The following SEPTIN8 variants were observed in gnomAD, a reference collection of about 807,000 sequenced individuals.
SEPTIN8 encodes septin-8.
SEPTIN8 carries 22 observed loss-of-function variants against 53.1 expected under a neutral mutation model. The observed-to-expected ratio is 0.41, with a 90% CI of 0.30 to 0.59. SEPTIN8 has a LOEUF of 0.59. Among genes scored for constraint, SEPTIN8 ranks in the 20% least tolerant of loss-of-function variants. The pLI, the probability that SEPTIN8 is intolerant of heterozygous loss-of-function variation, is 0.24. For missense variants in SEPTIN8, 536 were observed against 638.7 expected, an observed-to-expected ratio of 0.84 and a Z score of 1.73; for synonymous variants, 228 against 248.4, an observed-to-expected ratio of 0.92 and a Z score of 0.77.
Position 132,772,086 on chromosome 5 carries a change from TCA to T in SEPTIN8, c.30+5020_30+5021del, listed in dbSNP as rs577538635. Among the ~76,000 whole-genome samples, 669 of 152,296 alleles carry T rather than the reference TCA, an allele frequency of 4.4e-3. 5 individuals carry two copies. The highest frequency in any genetic ancestry group is 0.015 in the African/African-American group (632 of 41,540). ...CAAGGTAACAGGAAGCCAATCATCC[TCA>T]CAAGGCCAGTCCTACTCCACCCATC... On this transcript the variant is annotated intron_variant, in intron 1 of 9. Coordinates refer to ENST00000378719, the MANE Select transcript of SEPTIN8 (RefSeq NM_001098811.2).
chr5:132,769,421 T>G (rs1002869267), intron 1 of SEPTIN8, among the ~76,000 whole-genome samples: 3 of 152,136 alleles, frequency 2.0e-5, no homozygotes, highest in Non-Finnish European at 4.4e-5. Context: ...GATGAGGACA[T>G]CAGATCCTTG....
At chr5:132,756,766 G>A (rs1298340889) in intron 9 of SEPTIN8, 3 of 985,320 alleles carry the variant, frequency 3.0e-6, no homozygotes, top group East Asian at 1.1e-4. Flanking sequence ...CCAGCCACGA[G>A]TATGGCCTTT....
chr5:132,777,484 G>T (rs926206207), upstream of SEPTIN8: 6 of 971,724 alleles, frequency 6.2e-6, no homozygotes, highest in Admixed American at 2.5e-4. The surrounding 1 kb of genome is among the most constrained non-coding windows in gnomAD (Gnocchi z 4.1). Context: ...CGGGGGGCTC[G>T]GGGCTGGTGC....
intron 2 of SEPTIN8, 126 bp downstream of exon 2, chr5:132,765,283 C>T: frequency 1.7e-6 from 2 of 1,160,988 alleles, no homozygotes; most frequent in Admixed American, 2.2e-5. Context: ...AAATCCTCGT[C>T]CTGACACCCC....
chr5:132,755,997 CA>C (rs1755294051), intron 9 of SEPTIN8: 2 of 985,076 alleles, frequency 2.0e-6, no homozygotes, highest in South Asian at 4.7e-5. Flanking sequence ...AAAGACACCA[CA>C]AAAACTCAAA....
chr5:132,769,996 T>C (rs1480598127), intron 1 of SEPTIN8, among the ~76,000 whole-genome samples: 5 of 44,590 alleles, frequency 1.1e-4, no homozygotes, highest in Admixed American at 2.8e-4. Context: ...TATATATATA[T>C]ATATATATAT....
chr5:132,771,829 C>T (rs551247271), intron 1 of SEPTIN8, among the ~76,000 whole-genome samples: 1 of 150,494 alleles, frequency 6.6e-6, no homozygotes, highest in South Asian at 2.1e-4. Flanking sequence ...CCACAGCAAG[C>T]CTCTAAGCCC....
Position 132,757,852 on chromosome 5 carries a change from A to G in SEPTIN8, c.1286+2950T>C, listed in dbSNP as rs535971373. The G allele has an allele frequency of 9.1e-6, 9 of 985,506 alleles. No homozygotes were observed. In the South Asian group the frequency reaches 4.2e-4, roughly 46 times the overall value. 61.0% of individuals were successfully genotyped at this position (985,506 alleles called of 1,614,324 possible). On this transcript the variant is annotated intron_variant, in intron 9 of 9. Transcript: ENST00000378719. ...CCCTAATTGTCTATATACATCAGAC[A>G]CCTTCATCTCTTCACCCTGTGACCC...
Position 132,777,189 on chromosome 5 carries a change from A to G in SEPTIN8, c.-52T>C, listed in dbSNP as rs1256175872. 13 of 1,163,134 alleles carry G rather than the reference A, an allele frequency of 1.1e-5. No homozygotes were observed. The highest frequency in any genetic ancestry group is 1.6e-5 in the African/African-American group (1 of 61,710). 72.1% of individuals were successfully genotyped at this position (1,163,134 alleles called of 1,614,324 possible). On this transcript the variant is annotated 5_prime_UTR_variant, in exon 1 of 10. Coordinates refer to ENST00000378719, the MANE Select transcript of SEPTIN8 (RefSeq NM_001098811.2). This position sits in a 1 kb window ranked among gnomAD's most constrained non-coding sequence, Gnocchi z 4.1. ...CTGGGACGAGCGCAGGGGCAGCGAC[A>G]GGGACCAGCCGGCTGCGGGACGCGC...
rs1200358676 is a variant in SEPTIN8 at position 132,774,834 on chromosome 5, G to A, written c.30+2274C>T. Among the ~76,000 whole-genome samples the A allele has an allele frequency of 2.0e-5, 3 of 152,164 alleles. No individual in the cohort carries two copies. In the East Asian group the frequency reaches 5.8e-4, roughly 29 times the overall value. The stretch of plus-strand genomic sequence containing the variant: ...CATATTTCCAAACATGCCACGGACT[G>A]CAATTAACCCTCCATAAACTCTCTG... On this transcript the variant is annotated intron_variant, in intron 1 of 9. Transcript: ENST00000378719.
At chr5:132,755,429 A>T (rs1443601312) in intron 9 of SEPTIN8, among the ~76,000 whole-genome samples, 1 of 152,156 alleles carries the variant, frequency 6.6e-6, no homozygotes, top group Non-Finnish European at 1.5e-5. Context: ...CATTCCATTG[A>T]GATGCCAAGG....
rs1044722589 is a variant in SEPTIN8, at chr5:132,760,511, GAGA to G, written c.1286+288_1286+290del. ...TTGGAGGAAGAGGAAGAAGGGGGAAGAGAAGGAGAGAAAAAGGGAGAAGGGAGA... is the reference window on the plus strand; with the variant it reads ...TTGGAGGAAGAGGAAGAAGGGGGAAGAGGAGAGAAAAAGGGAGAAGGGAGA... On this transcript the variant is annotated intron_variant, in intron 9 of 9. Transcript: ENST00000378719. This position sits in a 1 kb window ranked among gnomAD's most constrained non-coding sequence, Gnocchi z 5.2. Among the ~76,000 whole-genome samples, 5 of 152,194 alleles carry G rather than the reference GAGA, an allele frequency of 3.3e-5. No homozygotes were observed. Among genetic ancestry groups the G allele is most frequent in the African/African-American group, 4.8e-5 (2 of 41,448 alleles).
Position 132,761,697 on chromosome 5 carries a change from C to T in SEPTIN8, c.794-71G>A, listed in dbSNP as rs912045598. ...GCACACTCCAGAGTCAGGGTAGGCA[C>T]GCAGGTGGGCATGAGGAGGAAACAG... is the stretch of plus-strand genomic sequence containing the variant. On this transcript the variant is annotated intron_variant, in intron 6 of 9. Coordinates refer to ENST00000378719, the MANE Select transcript of SEPTIN8 (RefSeq NM_001098811.2). This position sits in a 1 kb window ranked among gnomAD's most constrained non-coding sequence, Gnocchi z 5.8. 43 of 1,593,052 alleles carry T rather than the reference C, an allele frequency of 2.7e-5. No individual in the cohort carries two copies. The highest frequency in any genetic ancestry group is 4.6e-5 in the South Asian group (4 of 87,254).
At chr5:132,771,716 C>G (rs1757336854) in intron 1 of SEPTIN8, among the ~76,000 whole-genome samples, 1 of 152,236 alleles carries the variant, frequency 6.6e-6, no homozygotes, top group Non-Finnish European at 1.5e-5. Flanking sequence ...GCAGAGGCCT[C>G]TAGCCAGAAC....
rs1039717187 is a variant in SEPTIN8 at position 132,761,523 on chromosome 5, G to A, written c.897C>T (p.Leu299=). The A allele has an allele frequency of 1.7e-5, 27 of 1,613,862 alleles. No homozygotes were observed. The highest frequency in any genetic ancestry group is 1.9e-5 in the Non-Finnish European group (23 of 1,180,004). The change falls in exon 7 of 10, where the codon CTC becomes CTT. Residue 299 remains leucine (L), a synonymous_variant. Coordinates refer to ENST00000378719, the MANE Select transcript of SEPTIN8 (RefSeq NM_001098811.2). The surrounding 1 kb of genome is among the most constrained non-coding windows in gnomAD (Gnocchi z 5.8). The stretch of plus-strand genomic sequence containing the variant: ...TCTCCTCCAACTTGCAGCGCCGGTA[G>A]AGCTCGTAGTGCCGGCTGTGGGTCT... ...REQTHSRHYE[L]YRRCKLEEMG...
At chr5:132,758,182 A>G (rs528142897) in intron 9 of SEPTIN8, 1 of 1,102,302 alleles carries the variant, frequency 9.1e-7, no homozygotes, top group Admixed American at 4.6e-5. Context: ...CTCCCTGTAT[A>G]TGATAGGCAT....
intron 9 of SEPTIN8, chr5:132,756,290 T>C: frequency 1.0e-6 from 1 of 985,160 alleles, no homozygotes. Flanking sequence ...TATTTCCACA[T>C]CGGCCTGGGA....
chr5:132,752,905 A>G (rs1195817677), intron 9 of SEPTIN8: 2 of 1,614,054 alleles, frequency 1.2e-6, no homozygotes, highest in Admixed American at 1.7e-5. Context: ...GGAACTTGTA[A>G]TGCAGCAACT....
intron 1 of SEPTIN8, among the ~76,000 whole-genome samples, chr5:132,770,024 C>CACACATATATATATATATATAT (rs1757068723): frequency 1.0e-4 from 3 of 29,640 alleles, no homozygotes; most frequent in Admixed American, 8.6e-4. Flanking sequence ...TATATATATA[C>CACACATATATATATATATATAT]ACACACATAT....
Sources: allele counts gnomAD v4.1 joint callset (sites outside exome capture counted in the v4.1 genomes callset), GRCh38; gene constraint gnomAD v4.1.1; non-coding constraint Gnocchi (gnomAD v3.1); transcripts MANE v1.5; gene names NCBI Gene and HGNC (gene_info 2026-07-23, HGNC 2026-07-21).